The following MAML1 variants were observed in gnomAD, a reference collection of about 807,000 sequenced individuals.
MAML1 encodes the protein mastermind-like protein 1.
In MAML1, 14 loss-of-function variants were observed where a neutral mutation model predicts 77.1. The ratio of observed to expected loss-of-function variants is 0.18; its 90% confidence interval spans 0.12 to 0.28. The LOEUF is 0.28. Among genes scored for constraint, MAML1 ranks in the 10% least tolerant of loss-of-function variants. MAML1 has a pLI of 1.00. For missense variants in MAML1, 1,217 were observed against 1,327.8 expected, an observed-to-expected ratio of 0.92 and a Z score of 1.30; for synonymous variants, 516 against 551.9, an observed-to-expected ratio of 0.93 and a Z score of 0.91.
intron 1 of MAML1, among the ~76,000 whole-genome samples, chr5:179,752,346 A>ATAT (rs1472280681): frequency 5.4e-3 from 487 of 90,028 alleles, no homozygotes; most frequent in Non-Finnish European, 6.7e-3. Context: ...AAAAAAAAAA[A>ATAT]AAAAATATAT....
intron 1 of MAML1, 52 bp from the exon 2 acceptor site, chr5:179,765,272 CAT>C: frequency 6.7e-7 from 1 of 1,482,522 alleles, no homozygotes; most frequent in Non-Finnish European, 9.2e-7. Context: ...TTGTTACTGT[CAT>C]AGCAGAGCAA....
At chr5:179,746,132 G>A (rs1779376435) in intron 1 of MAML1, among the ~76,000 whole-genome samples, 2 of 151,316 alleles carry the variant, frequency 1.3e-5, no homozygotes, top group Admixed American at 6.6e-5. Context: ...GATCACCTGA[G>A]GTCAGGAGTT....
At position 179,732,918 on chromosome 5, in the gene MAML1, C is replaced by CA. The variant is rs1779090805; in HGVS notation, c.-194dup. ...GGGAGAGGCCGAGGCTTGAGGTAGG[C>CA]AGCAAGCGCCGGCTGGGGGTCGGGC... is the stretch of plus-strand genomic sequence containing the variant. On this transcript the variant is annotated 5_prime_UTR_variant, in exon 1 of 5. Transcript: ENST00000292599. 1 of 289,478 alleles carries CA rather than the reference C, an allele frequency of 3.5e-6. No individual in the cohort carries two copies. The highest frequency in any genetic ancestry group is 1.6e-4 in the South Asian group (1 of 6,166). The allele number at this position is 289,478 out of a possible 1,614,324, so 17.9% of individuals were successfully genotyped here. A position where few individuals can be genotyped will look rare whatever the true frequency, so the allele number is the denominator to read the frequency against.
chr5:179,759,059 A>G (rs1034421483), intron 1 of MAML1, among the ~76,000 whole-genome samples: 1 of 152,098 alleles, frequency 6.6e-6, no homozygotes, highest in Non-Finnish European at 1.5e-5. Flanking sequence ...CTCACAGCAC[A>G]GTTCATTTTT....
chr5:179,776,504 C>G lies in MAML1; in HGVS notation c.*1627C>G, dbSNP rs1274650771. The G allele has an allele frequency of 2.0e-6, 2 of 985,676 alleles. No individual in the cohort carries two copies. Among genetic ancestry groups the G allele is most frequent in the African/African-American group, 3.5e-5 (2 of 57,254 alleles). 61.1% of individuals were successfully genotyped at this position (985,676 alleles called of 1,614,324 possible). ...GTATGTCGGCCATTTCTCCTTAAAA[C>G]ACCTTCCCTACCTTTCCCATGTACT... On this transcript the variant is annotated 3_prime_UTR_variant, in exon 5 of 5. Coordinates refer to ENST00000292599, the MANE Select transcript of MAML1 (RefSeq NM_014757.5).
chr5:179,777,084 A>G lies in MAML1; in HGVS notation c.*2207A>G, dbSNP rs1756150470. 1.0e-6 allele frequency: 1 copy of G among 984,794 alleles called. No individual in the cohort carries two copies. The highest frequency in any genetic ancestry group is 1.7e-5 in the African/African-American group (1 of 57,198). The allele number at this position is 984,794 out of a possible 1,614,324, so 61.0% of individuals were successfully genotyped here. ...AGATTTTAAAACTATGATCCTTTATATGTGTGTTTTGGGGGAGCTATGATA... is the reference window on the plus strand; with the variant it reads ...AGATTTTAAAACTATGATCCTTTATGTGTGTGTTTTGGGGGAGCTATGATA... On this transcript the variant is annotated 3_prime_UTR_variant, in exon 5 of 5. Coordinates refer to ENST00000292599, the MANE Select transcript of MAML1 (RefSeq NM_014757.5).
At chr5:179,740,436 A>G (rs1371072318) in intron 1 of MAML1, among the ~76,000 whole-genome samples, 1 of 151,704 alleles carries the variant, frequency 6.6e-6, no homozygotes, top group Non-Finnish European at 1.5e-5. Context: ...ACACCCGGCT[A>G]ATTTTTTTGT....
intron 1 of MAML1, among the ~76,000 whole-genome samples, chr5:179,743,386 T>TTA (rs1779319561): frequency 4.2e-5 from 6 of 142,382 alleles, no homozygotes; most frequent in African/African-American, 8.1e-5. Context: ...TTTTTTTTTT[T>TTA]AAGAGAGTCT....
intron 1 of MAML1, 138 bp from the exon 2 acceptor site, chr5:179,765,187 TG>T (rs1262460647): frequency 3.7e-5 from 25 of 675,618 alleles, no homozygotes; most frequent in Non-Finnish European, 5.9e-5. Flanking sequence ...AATGGAGGTG[TG>T]TCCCCAGAAA....
At position 179,771,749 on chromosome 5, in the gene MAML1, G is replaced by C. The variant is rs1755995589; in HGVS notation, c.2068+506G>C. On this transcript the variant is annotated intron_variant, in intron 4 of 4. Coordinates refer to ENST00000292599, the MANE Select transcript of MAML1 (RefSeq NM_014757.5). This position sits in a 1 kb window ranked among gnomAD's most constrained non-coding sequence, Gnocchi z 4.7. The stretch of plus-strand genomic sequence containing the variant: ...ACTTGAGTCTAGCTGTCGCCTCTGA[G>C]ATGTGCCAGGGAACTTCATAGGCCA... 6.6e-6 allele frequency among the ~76,000 whole-genome samples: 1 copy of C among 152,256 alleles called. No homozygotes were observed. The highest frequency in any genetic ancestry group is 1.5e-5 in the Non-Finnish European group (1 of 68,048).
rs762872403 is a variant in MAML1 at position 179,759,968 on chromosome 5, G to T, written c.316-5358G>T. Among the ~76,000 whole-genome samples, 7 of 152,176 alleles carry T rather than the reference G, an allele frequency of 4.6e-5. No homozygotes were observed. In the East Asian group the frequency reaches 1.2e-3, roughly 25 times the overall value. On this transcript the variant is annotated intron_variant, in intron 1 of 4. Transcript: ENST00000292599. ...TTGTATGTAGGGACTAAGGAGGAGC[G>T]GGAGGGAGGCTGGTTTCTGGTTTAT...
intron 1 of MAML1, among the ~76,000 whole-genome samples, chr5:179,765,021 ACT>A (rs1350197076): frequency 3.4e-5 from 4 of 118,238 alleles, no homozygotes; most frequent in Non-Finnish European, 4.0e-5. Flanking sequence ...GTGTGTGTGT[ACT>A]CTCTGGCATT....
At chr5:179,767,776 T>A (rs183819163) in intron 2 of MAML1, among the ~76,000 whole-genome samples, 1 of 152,318 alleles carries the variant, frequency 6.6e-6, no homozygotes, top group Non-Finnish European at 1.5e-5. Flanking sequence ...TTCTGGTGAT[T>A]AGAGTGAAGA....
At chr5:179,736,587 A>G (rs1779175759) in intron 1 of MAML1, among the ~76,000 whole-genome samples, 1 of 152,180 alleles carries the variant, frequency 6.6e-6, no homozygotes, top group East Asian at 1.9e-4. Context: ...GTTCGTGGTC[A>G]TTGCAATTGA....
chr5:179,763,237 A>G (rs1260230512), intron 1 of MAML1, among the ~76,000 whole-genome samples: 5 of 152,272 alleles, frequency 3.3e-5, no homozygotes, highest in Non-Finnish European at 5.9e-5. Flanking sequence ...TTAAATGGGT[A>G]TGAATTTACC....
intron 1 of MAML1, among the ~76,000 whole-genome samples, chr5:179,751,484 G>A (rs543651022): frequency 1.1e-3 from 166 of 152,208 alleles, no homozygotes; most frequent in Non-Finnish European, 2.0e-3. Context: ...CAAGGCGGGC[G>A]GATCATGAGG....
At chr5:179,734,422 G>A (rs1003228205) in intron 1 of MAML1, among the ~76,000 whole-genome samples, 8 of 152,080 alleles carry the variant, frequency 5.3e-5, no homozygotes, top group African/African-American at 9.6e-5. Flanking sequence ...TTGGCATTTG[G>A]GACCAGTCTG....
chr5:179,770,117 T>C (rs1010972962), intron 3 of MAML1, among the ~76,000 whole-genome samples: 3 of 152,198 alleles, frequency 2.0e-5, no homozygotes, highest in African/African-American at 7.2e-5. Context: ...CCATCCACCC[T>C]GCCTCTCCAG....
intron 1 of MAML1, among the ~76,000 whole-genome samples, chr5:179,747,033 T>C (rs1779395335): frequency 6.6e-6 from 1 of 152,146 alleles, no homozygotes; most frequent in Non-Finnish European, 1.5e-5. Flanking sequence ...GAAGTCTTGC[T>C]CTGTCTCCCA....
Sources: gnomAD v4.1 joint callset for allele counts (sites outside exome capture counted in the v4.1 genomes callset) on GRCh38, gnomAD v4.1.1 for gene constraint, Gnocchi (gnomAD v3.1) non-coding constraint, MANE v1.5 for transcripts, NCBI Gene and HGNC (gene_info 2026-07-23, HGNC 2026-07-21) for gene names.